Variants in IL4R observed in about 807,000 individuals in gnomAD.
IL4R encodes the protein interleukin 4 receptor.
A neutral mutation model predicts 41.5 loss-of-function variants in IL4R; 17 were observed. That is an observed-to-expected ratio of 0.41 (90% confidence interval 0.28 to 0.61). The LOEUF is 0.61. Ranked by LOEUF, IL4R falls within the 20% of genes least tolerant of loss-of-function variation. The probability of loss-of-function intolerance (pLI) is 0.31; values close to 1 mark genes in which losing one functional copy is unlikely to be tolerated. For missense variants in IL4R, 974 were observed against 1,043.1 expected, an observed-to-expected ratio of 0.93 and a Z score of 0.91; for synonymous variants, 402 against 422.9, an observed-to-expected ratio of 0.95 and a Z score of 0.61.
chr16:27,340,098 G>A, intron 2 of IL4R, 88 bp from the exon 3 acceptor site: 2 of 789,274 alleles, frequency 2.5e-6, no homozygotes, highest in South Asian at 3.1e-5. Context: ...CAAATAAATG[G>A]CCAGGGCAGG....
intron 1 of IL4R, among the ~76,000 whole-genome samples, chr16:27,328,267 A>G (rs2085019310): frequency 7.0e-6 from 1 of 143,120 alleles, no homozygotes; most frequent in Admixed American, 7.0e-5. Context: ...TTTTTGAGAC[A>G]GAACTTTGCT....
At position 27,362,455 on chromosome 16, in the gene IL4R, C is replaced by T. The variant is rs375367781; in HGVS notation, c.1103C>T (p.Pro368Leu). Residue 368 changes from proline (P) to leucine (L), a missense_variant, in exon 11 of 11, where the codon CCG becomes CTG. Physicochemically the swap from Pro to Leu is moderately conservative, Grantham distance 98. Around this residue, in one of 3 missense-constraint regions of IL4R, gnomAD observed 682 missense variants for 704.3 expected, o/e 0.97. Transcript: ENST00000395762. ...CGATGTGTGGAGTTGTTTGAGGCCC[C>T]GGTGGAGTGTGAGGAGGAGGAGGAG... is the stretch of plus-strand genomic sequence containing the variant. ...VVRCVELFEA[P>L]VECEEEEEVE... 8.0e-5 allele frequency: 129 copies of T among 1,613,858 alleles called. No individual in the cohort carries two copies. The highest frequency in any genetic ancestry group is 9.3e-5 in the Non-Finnish European group (110 of 1,180,016).
At chr16:27,357,322 C>G (rs897364616) in intron 8 of IL4R, among the ~76,000 whole-genome samples, 1 of 152,158 alleles carries the variant, frequency 6.6e-6, no homozygotes, top group Non-Finnish European at 1.5e-5. Context: ...CTCTGTTAGC[C>G]AGGCTGAAGT....
Position 27,344,873 on chromosome 16 carries a change from C to T in IL4R, c.214C>T (p.His72Tyr). The change falls in exon 5 of 11, where the codon CAC becomes TAC. Residue 72 changes from histidine (H) to tyrosine (Y), a missense_variant. Transcript: ENST00000395762. ...YQLVFLLSEA[H>Y]TCIPENNGGA... is the part of the protein sequence containing the mutation. ...ACCCAGCCCCTGTGTCTGCAGAGCC[C>T]ACACGTGTATCCCTGAGAACAACGG... is the stretch of plus-strand genomic sequence containing the variant. 1 of 1,614,154 alleles carries T rather than the reference C, an allele frequency of 6.2e-7. No homozygotes were observed. Among genetic ancestry groups the T allele is most frequent in the Non-Finnish European group, 8.5e-7 (1 of 1,180,034 alleles).
At chr16:27,317,450 C>A (rs1255057255) in intron 1 of IL4R, among the ~76,000 whole-genome samples, 1 of 152,096 alleles carries the variant, frequency 6.6e-6, no homozygotes, top group African/African-American at 2.4e-5. Flanking sequence ...GGAGACATGC[C>A]CAGCCACGTT....
intron 3 of IL4R, chr16:27,341,260 C>A: frequency 1.6e-6 from 1 of 641,742 alleles, no homozygotes; most frequent in Non-Finnish European, 2.8e-6. Flanking sequence ...ACCTAAACTA[C>A]TGGGAAGGAC....
chr16:27,331,974 A>G (rs1003173029), intron 2 of IL4R, among the ~76,000 whole-genome samples: 1 of 151,728 alleles, frequency 6.6e-6, no homozygotes, highest in East Asian at 1.9e-4. Flanking sequence ...TTTTAATTTA[A>G]AAATTTTATT....
At chr16:27,340,113 G>A in intron 2 of IL4R, 73 bp from the exon 3 acceptor site, 1 of 905,946 alleles carries the variant, frequency 1.1e-6, no homozygotes, top group Non-Finnish European at 1.8e-6. Flanking sequence ...GGCAGGGGAG[G>A]GTTGCATATT....
intron 7 of IL4R, chr16:27,355,569 T>A (rs2086035226): frequency 1.7e-5 from 8 of 472,584 alleles, no homozygotes; most frequent in South Asian, 1.6e-4. Flanking sequence ...AGCAGCAAGT[T>A]TAAGATCTGG....
Position 27,345,203 on chromosome 16 carries a change from G to T in IL4R, c.361+183G>T, listed in dbSNP as rs765758630. The T allele has an allele frequency of 4.0e-6, 3 of 747,264 alleles. No homozygotes were observed. Among genetic ancestry groups the T allele is most frequent in the South Asian group, 2.9e-5 (2 of 67,798 alleles). The allele number at this position is 747,264 out of a possible 1,614,324, so 46.3% of individuals were successfully genotyped here. A position where few individuals can be genotyped will look rare whatever the true frequency, so the allele number is the denominator to read the frequency against. Reference sequence around the variant, plus strand: ...GCCTCAGTCCTCCCACCTTTGAAACGGAGCTGGTCGCAGTAGACCACCAAG... The same window carrying T: ...GCCTCAGTCCTCCCACCTTTGAAACTGAGCTGGTCGCAGTAGACCACCAAG... On this transcript the variant is annotated intron_variant, in intron 5 of 10. Coordinates refer to ENST00000395762, the MANE Select transcript of IL4R (RefSeq NM_000418.4). The surrounding 1 kb of genome is among the most constrained non-coding windows in gnomAD (Gnocchi z 4.5).
chr16:27,361,870 T>C (rs1193450747), intron 10 of IL4R, among the ~76,000 whole-genome samples: 1 of 152,168 alleles, frequency 6.6e-6, no homozygotes, highest in Non-Finnish European at 1.5e-5. Context: ...TCCTCCCTCC[T>C]CAGCCTCCTA....
Position 27,362,796 on chromosome 16 carries a change from C to G in IL4R, c.1444C>G (p.Leu482Val). 1 of 1,614,218 alleles carries G rather than the reference C, an allele frequency of 6.2e-7. No homozygotes were observed. Among genetic ancestry groups the G allele is most frequent in the Non-Finnish European group, 8.5e-7 (1 of 1,180,046 alleles). ...CAGCCCGACCCAGAGTCCAGACAAC[C>G]TGACTTGCACAGAGACGCCCCTCGT... ...PASPTQSPDN[L>V]TCTETPLVIA... The change falls in exon 11 of 11, where the codon CTG becomes GTG. Residue 482 changes from leucine to valine, a missense_variant. Coordinates refer to ENST00000395762, the MANE Select transcript of IL4R (RefSeq NM_000418.4).
rs540721897 is a variant in IL4R at position 27,337,573 on chromosome 16, T to G, written c.-18-2613T>G. Among the ~76,000 whole-genome samples the G allele has an allele frequency of 4.2e-4, 63 of 151,734 alleles. 1 individual carries two copies. Among genetic ancestry groups the G allele is most frequent in the African/African-American group, 1.5e-3 (60 of 41,332 alleles). On this transcript the variant is annotated intron_variant, in intron 2 of 10. Transcript: ENST00000395762. ...CGCGTGCTGTTTTCTTTTTTTCTTT[T>G]TCTTTTTTTTTTTTTTCTCTTTTTG...
chr16:27,349,747 TTTGTTG>T (rs3024594), intron 6 of IL4R, among the ~76,000 whole-genome samples: 3 of 151,874 alleles, frequency 2.0e-5, no homozygotes, highest in Non-Finnish European at 4.4e-5. Context: ...GGGCTGAGTT[TTTGTTG>T]TTGTTGTTGT....
chr16:27,356,312 C>T (rs562893452), intron 8 of IL4R, among the ~76,000 whole-genome samples: 21 of 152,094 alleles, frequency 1.4e-4, no homozygotes, highest in African/African-American at 3.9e-4. Flanking sequence ...AGGCTGGTCT[C>T]GAACTCCTGA....
At chr16:27,359,955 G>A (rs1381449367) in intron 9 of IL4R, 4 of 408,552 alleles carry the variant, frequency 9.8e-6, no homozygotes, top group Admixed American at 2.5e-5. Context: ...GCTGGGCTGG[G>A]CAGATCTGAA....
upstream of IL4R, chr16:27,313,879 G>C: frequency 2.0e-6 from 2 of 980,046 alleles, no homozygotes; most frequent in Non-Finnish European, 2.4e-6. Context: ...GCCGGGCGCC[G>C]GGGCGGGGAG....
intron 3 of IL4R, 169 bp from the exon 4 acceptor site, chr16:27,341,952 T>C (rs1202181186): frequency 1.6e-6 from 1 of 638,434 alleles, no homozygotes; most frequent in African/African-American, 1.8e-5. Flanking sequence ...ATCCCGACAC[T>C]AGCTGGGAAG....
intron 10 of IL4R, 133 bp downstream of exon 10, chr16:27,360,948 G>T (rs1363235462): frequency 6.4e-7 from 1 of 1,569,128 alleles, no homozygotes; most frequent in Admixed American, 1.8e-5. Context: ...AGCCTTCAAG[G>T]GACGGCAGGA....
Sources: allele counts gnomAD v4.1 joint callset (sites outside exome capture counted in the v4.1 genomes callset), GRCh38; gene constraint gnomAD v4.1.1; regional missense constraint gnomAD v4.1.1; non-coding constraint Gnocchi (gnomAD v3.1); transcripts MANE v1.5; gene names NCBI Gene and HGNC (gene_info 2026-07-23, HGNC 2026-07-21).